Variants in SDAD1 observed in about 807,000 individuals in gnomAD.
SDAD1 encodes the protein SDA1 domain containing 1, also known as protein SDA1 homolog.
Under a neutral mutation model 100.3 loss-of-function variants are expected in SDAD1, and 79 were observed. The ratio of observed to expected loss-of-function variants is 0.79; its 90% CI spans 0.66 to 0.95. SDAD1 has a LOEUF of 0.95. SDAD1 is among the 40% of genes least tolerant of loss of function. The probability of loss-of-function intolerance (pLI) is 0.00; values close to 1 mark genes in which losing one functional copy is unlikely to be tolerated. For missense variants in SDAD1, 790 were observed against 810.9 expected, an observed-to-expected ratio of 0.97 and a Z score of 0.31; for synonymous variants, 267 against 271.4, an observed-to-expected ratio of 0.98 and a Z score of 0.16.
At chr4:75,960,479 A>G (rs1163514315) in intron 16 of SDAD1, among the ~76,000 whole-genome samples, 1 of 152,206 alleles carries the variant, frequency 6.6e-6, no homozygotes, top group Non-Finnish European at 1.5e-5. Flanking sequence ...ACTATAAAAA[A>G]TGCTGGTAAC....
At chr4:75,979,201 T>C (rs1479763289) in intron 3 of SDAD1, among the ~76,000 whole-genome samples, 2 of 151,976 alleles carry the variant, frequency 1.3e-5, no homozygotes, top group Non-Finnish European at 2.9e-5. Flanking sequence ...TTACTATATA[T>C]GGATATTTTA....
intron 10 of SDAD1, among the ~76,000 whole-genome samples, chr4:75,969,847 A>C (rs2149319447): frequency 6.6e-6 from 1 of 152,262 alleles, no homozygotes; most frequent in East Asian, 1.9e-4. Flanking sequence ...CATACCAACT[A>C]AATTAGATTC....
At position 75,961,047 on chromosome 4, in the gene SDAD1, A is replaced by T. The variant is rs139820906; in HGVS notation, c.1337T>A (p.Met446Lys). 4.3e-6 allele frequency: 7 copies of T among 1,613,848 alleles called. No homozygotes were observed. The African/African-American group carries it at 9.3e-5, about 22-fold the overall frequency. ...ACCTACCCGGAATTTCTTCTGCAGCATCTGAGGATTCAGTGTTCGGAAGAG... is the reference window on the plus strand; with the variant it reads ...ACCTACCCGGAATTTCTTCTGCAGCTTCTGAGGATTCAGTGTTCGGAAGAG... Reference protein sequence around the residue: ...IHLFRTLNPQMLQKKFRGKPT... With the variant: ...IHLFRTLNPQKLQKKFRGKPT... Residue 446 changes from methionine to lysine, a missense_variant, in exon 16 of 22, where the codon ATG (methionine) becomes AAG (lysine). Coordinates refer to ENST00000356260, the MANE Select transcript of SDAD1 (RefSeq NM_018115.4).
At chr4:75,959,588 C>T (rs531094146) in intron 17 of SDAD1, among the ~76,000 whole-genome samples, 5 of 150,582 alleles carry the variant, frequency 3.3e-5, no homozygotes, top group South Asian at 4.2e-4. Context: ...TGGGCAAGAG[C>T]GAGACTCCAA....
intron 14 of SDAD1, 76 bp downstream of exon 14, chr4:75,964,059 C>A (rs1002943253): frequency 2.1e-6 from 2 of 960,156 alleles, no homozygotes; most frequent in Non-Finnish European, 3.3e-6. Flanking sequence ...CAGCTACAAT[C>A]TTACATCTTG....
At chr4:75,957,452 C>T in intron 19 of SDAD1, 43 bp from the exon 20 acceptor site, 4 of 1,610,498 alleles carry the variant, frequency 2.5e-6, no homozygotes, top group Non-Finnish European at 3.4e-6. Context: ...GAATGGAATT[C>T]TGTTTCCTGA....
At chr4:75,969,625 C>A (rs1345606858) in intron 10 of SDAD1, among the ~76,000 whole-genome samples, 1 of 152,192 alleles carries the variant, frequency 6.6e-6, no homozygotes, top group Non-Finnish European at 1.5e-5. Context: ...CACTTAATAG[C>A]TCTCTAGATC....
intron 17 of SDAD1, among the ~76,000 whole-genome samples, chr4:75,959,006 G>A (rs891853807): frequency 4.3e-5 from 6 of 140,260 alleles, no homozygotes; most frequent in East Asian, 4.6e-4. Flanking sequence ...GCTGAGGTAG[G>A]AGAATGGCGT....
chr4:75,956,009 C>G lies in SDAD1; in HGVS notation c.1982G>C (p.Arg661Pro). 3.1e-6 allele frequency: 5 copies of G among 1,598,604 alleles called. No individual in the cohort carries two copies. The highest frequency in any genetic ancestry group is 4.3e-6 in the Non-Finnish European group (5 of 1,176,366). ...TCGGAAGGAACGCTTATTTTTTGAC[C>G]GGACATTCTGGCTATACCGCATCAT... ...FMMMRYSQNV[R>P]SKNKRSFREK... The change falls in exon 21 of 22, where the codon CGG (arginine) becomes CCG (proline). Residue 661 changes from arginine (R) to proline (P), a missense_variant. Coordinates refer to ENST00000356260, the MANE Select transcript of SDAD1 (RefSeq NM_018115.4).
intron 16 of SDAD1, 126 bp downstream of exon 16, chr4:75,960,902 A>G (rs1729191119): frequency 1.3e-6 from 1 of 775,082 alleles, no homozygotes; most frequent in Non-Finnish European, 2.2e-6. Flanking sequence ...AAAGAATACA[A>G]CCGTGTGCAT....
At chr4:75,980,755 C>T (rs971859949) in intron 3 of SDAD1, 2 of 153,112 alleles carry the variant, frequency 1.3e-5, no homozygotes, top group Non-Finnish European at 2.9e-5. Context: ...CTGTGGGCTA[C>T]TAGGGTAGGA....
chr4:75,963,957 C>A (rs1263493310), intron 14 of SDAD1, among the ~76,000 whole-genome samples, 178 bp downstream of exon 14: 3 of 152,184 alleles, frequency 2.0e-5, no homozygotes, highest in Non-Finnish European at 4.4e-5. Flanking sequence ...TTCTCTGGCT[C>A]CCTTCTCAAA....
chr4:75,957,213 C>T, intron 20 of SDAD1, 112 bp downstream of exon 20: 1 of 797,130 alleles, frequency 1.3e-6, no homozygotes, highest in Non-Finnish European at 2.0e-6. Context: ...TTAATTATAC[C>T]TTTATTTAAA....
Position 75,957,838 on chromosome 4 carries a change from C to T in SDAD1, c.1578+9G>A. On this transcript the variant is annotated intron_variant, in intron 18 of 21. Coordinates refer to ENST00000356260, the MANE Select transcript of SDAD1 (RefSeq NM_018115.4). ...ACACCAGGTTATAAGATGAAATTTT[C>T]AGACTTACGATTTCTTGCTGTTCTT... 6.2e-7 allele frequency: 1 copy of T among 1,613,990 alleles called. No individual in the cohort carries two copies. The highest frequency in any genetic ancestry group is 8.5e-7 in the Non-Finnish European group (1 of 1,179,876).
chr4:75,988,289 AC>A (rs1370788900), intron 1 of SDAD1, among the ~76,000 whole-genome samples: 3 of 151,832 alleles, frequency 2.0e-5, no homozygotes, highest in Non-Finnish European at 2.9e-5. Flanking sequence ...TCCCAAATTC[AC>A]CCCCTTTCCT....
chr4:75,975,844 C>A lies in SDAD1; in HGVS notation c.478G>T (p.Val160Leu), dbSNP rs754533621. ...ATGGTGTACATGAAATTTTGCAATA[C>A]CTGCAGAAAAGGAGGAGAAAGAAGA... The part of the protein sequence containing the change: ...AKHKNNKVNV[V>L]LQNFMYTMLR... Residue 160 changes from valine (V) to leucine (L), a missense_variant and splice_region_variant, in exon 6 of 22, where the codon GTA (valine) becomes TTA (leucine). By Grantham distance (32) the Val-to-Leu change is conservative. Coordinates refer to ENST00000356260, the MANE Select transcript of SDAD1 (RefSeq NM_018115.4). The A allele has an allele frequency of 1.9e-6, 3 of 1,613,052 alleles. No homozygotes were observed. Among genetic ancestry groups the A allele is most frequent in the South Asian group, 2.2e-5 (2 of 91,056 alleles).
intron 1 of SDAD1, among the ~76,000 whole-genome samples, chr4:75,985,515 C>T (rs1730839604): frequency 6.6e-6 from 1 of 152,192 alleles, no homozygotes; most frequent in African/African-American, 2.4e-5. Flanking sequence ...CCCACTATTC[C>T]TCCTTGTAGT....
intron 21 of SDAD1, among the ~76,000 whole-genome samples, chr4:75,955,066 T>A (rs111280832): frequency 0.011 from 1,687 of 152,328 alleles, 16 homozygotes; most frequent in Middle Eastern, 0.058. Flanking sequence ...CTGATTAATA[T>A]CTTGCTAAAC....
intron 17 of SDAD1, among the ~76,000 whole-genome samples, chr4:75,958,941 A>T (rs1729061385): frequency 6.6e-6 from 1 of 151,634 alleles, no homozygotes; most frequent in African/African-American, 2.4e-5. Flanking sequence ...ACTAAAAAAT[A>T]CAAAAAATTA....
Sources: allele counts gnomAD v4.1 joint callset (sites outside exome capture counted in the v4.1 genomes callset), GRCh38; gene constraint gnomAD v4.1.1; transcripts MANE v1.5; gene names NCBI Gene and HGNC (gene_info 2026-07-23, HGNC 2026-07-21).